The following LIMCH1 variants were observed in gnomAD, a reference collection of about 807,000 sequenced individuals.
LIMCH1 encodes the protein LIM and calponin homology domains-containing protein 1.
Under a neutral mutation model 176.5 loss-of-function variants are expected in LIMCH1, and 113 were observed. The observed-to-expected ratio is 0.64, with a 90% confidence interval of 0.55 to 0.75. The LOEUF (loss-of-function observed/expected upper bound fraction) is 0.75. Ranked by LOEUF, LIMCH1 falls within the 30% of genes least tolerant of loss-of-function variation. The pLI, the probability that LIMCH1 is intolerant of heterozygous loss-of-function variation, is 0.00. For synonymous variants in LIMCH1, 619 were observed against 645.9 expected, an observed-to-expected ratio of 0.96 and a Z score of 0.63; for missense variants, 1,674 against 1,814.9, an observed-to-expected ratio of 0.92 and a Z score of 1.41.
intron 1 of LIMCH1, among the ~76,000 whole-genome samples, chr4:41,375,543 A>AT (rs1017442094): frequency 7.2e-5 from 11 of 152,266 alleles, no homozygotes; most frequent in Admixed American, 5.9e-4. Flanking sequence ...CCAGTATCTG[A>AT]TTTTTTTCCC....
intron 23 of LIMCH1, 34 bp from the exon 24 acceptor site, chr4:41,679,972 C>T: frequency 2.1e-6 from 3 of 1,439,842 alleles, no homozygotes; most frequent in Non-Finnish European, 2.9e-6. Flanking sequence ...ATGCAATGGT[C>T]AGTTGAGAAC....
chr4:41,444,027 A>G (rs2062990206), intron 1 of LIMCH1, among the ~76,000 whole-genome samples: 1 of 152,208 alleles, frequency 6.6e-6, no homozygotes, highest in South Asian at 2.1e-4. Context: ...AATCATGGAC[A>G]GTGCAGATAT....
intron 1 of LIMCH1, among the ~76,000 whole-genome samples, chr4:41,489,928 A>G (rs1218719645): frequency 6.6e-6 from 1 of 152,172 alleles, no homozygotes; most frequent in East Asian, 1.9e-4. Context: ...TGTCATATAT[A>G]TTATATACTG....
intron 1 of LIMCH1, among the ~76,000 whole-genome samples, chr4:41,378,352 C>T (rs972230699): frequency 6.6e-6 from 1 of 152,158 alleles, no homozygotes; most frequent in African/African-American, 2.4e-5. Flanking sequence ...AGTTATTTGG[C>T]CTCTCTGTGC....
chr4:41,567,703 A>C (rs1300562841), intron 1 of LIMCH1, among the ~76,000 whole-genome samples: 2 of 152,256 alleles, frequency 1.3e-5, no homozygotes, highest in Admixed American at 1.3e-4. Flanking sequence ...GTGCACAGAA[A>C]GGCATGATTA....
intron 2 of LIMCH1, among the ~76,000 whole-genome samples, chr4:41,602,997 C>T (rs750193907): frequency 6.6e-5 from 10 of 152,056 alleles, no homozygotes; most frequent in Non-Finnish European, 1.5e-4. Flanking sequence ...TCTATTTCTT[C>T]AAATTTCAAT....
chr4:41,436,415 G>A (rs1246910692), intron 1 of LIMCH1, among the ~76,000 whole-genome samples: 1 of 152,192 alleles, frequency 6.6e-6, no homozygotes, highest in Non-Finnish European at 1.5e-5. Flanking sequence ...GTCTGCTCAT[G>A]GGTCTGGGGC....
chr4:41,388,635 G>A (rs1162722347), intron 1 of LIMCH1, among the ~76,000 whole-genome samples: 3 of 145,850 alleles, frequency 2.1e-5, no homozygotes, highest in Admixed American at 7.0e-5. Context: ...TGCAGGCTAT[G>A]CATCCATTAA....
At chr4:41,467,536 C>T (rs998697149) in intron 1 of LIMCH1, among the ~76,000 whole-genome samples, 4 of 152,136 alleles carry the variant, frequency 2.6e-5, no homozygotes, top group Admixed American at 1.3e-4. Context: ...CATCAGATCT[C>T]GTGAGACTCA....
At chr4:41,632,356 G>T (rs2093368975) in intron 10 of LIMCH1, among the ~76,000 whole-genome samples, 1 of 152,142 alleles carries the variant, frequency 6.6e-6, no homozygotes, top group Non-Finnish European at 1.5e-5. Flanking sequence ...GGGTTTCTTT[G>T]GTTCCAGACT....
chr4:41,688,213 G>T (rs1190577136), intron 29 of LIMCH1, among the ~76,000 whole-genome samples: 2 of 152,190 alleles, frequency 1.3e-5, no homozygotes, highest in African/African-American at 2.4e-5. Flanking sequence ...ACAACCGCTG[G>T]GCTCCAAAGC....
intron 1 of LIMCH1, among the ~76,000 whole-genome samples, chr4:41,592,799 T>A (rs567615184): frequency 2.6e-5 from 4 of 152,360 alleles, no homozygotes; most frequent in Middle Eastern, 3.4e-3. Context: ...AGGCTGGGAT[T>A]CTAACTAGAA....
intron 2 of LIMCH1, among the ~76,000 whole-genome samples, chr4:41,502,108 T>C (rs1417267751): frequency 6.9e-6 from 1 of 145,424 alleles, no homozygotes; most frequent in Non-Finnish European, 1.5e-5. Flanking sequence ...GTTCCCCCTA[T>C]TGTCCATGTG....
At chr4:41,612,377 T>A (rs1253913863) in intron 4 of LIMCH1, 3 of 574,352 alleles carry the variant, frequency 5.2e-6, no homozygotes, top group Non-Finnish European at 6.1e-6. Context: ...GAGGGGACTT[T>A]CGCGAGCATC....
chr4:41,376,192 T>C (rs2054746277), intron 1 of LIMCH1, among the ~76,000 whole-genome samples: 1 of 152,226 alleles, frequency 6.6e-6, no homozygotes, highest in African/African-American at 2.4e-5. Context: ...ATAGTTTCTA[T>C]ATAGTTTTCT....
rs1052950521 is a variant in LIMCH1, at chr4:41,629,731, C to T, written c.1268C>T (p.Ala423Val). ...GAGAGACTCAAAGTGTCAGAAAAGGCGAGGTGTGTCATGTTTCCCCCCCAG... is the reference window on the plus strand; with the variant it reads ...GAGAGACTCAAAGTGTCAGAAAAGGTGAGGTGTGTCATGTTTCCCCCCCAG... ...TWERLKVSEK[A>V]RDGDVQHICA... Residue 423 changes from alanine (A) to valine (V), a missense_variant, in exon 9 of 32, where the codon GCG becomes GTG. Around this residue, in one of 3 missense-constraint regions of LIMCH1, gnomAD observed 655 missense variants for 692.2 expected, o/e 0.95. Coordinates refer to ENST00000503057, the MANE Select transcript of LIMCH1 (RefSeq NM_001330672.2). 6.8e-5 allele frequency: 104 copies of T among 1,534,326 alleles called. No individual in the cohort carries two copies. The highest frequency in any genetic ancestry group is 1.7e-4 in the Middle Eastern group (1 of 6,004).
intron 3 of LIMCH1, among the ~76,000 whole-genome samples, chr4:41,525,203 T>C (rs1372164193): frequency 6.6e-6 from 1 of 152,158 alleles, no homozygotes; most frequent in Admixed American, 6.5e-5. Context: ...CAAATCTTAG[T>C]TTTGGAAGGA....
intron 7 of LIMCH1, among the ~76,000 whole-genome samples, chr4:41,623,978 A>ATTTTAT (rs1232264869): frequency 1.3e-5 from 2 of 152,168 alleles, no homozygotes; most frequent in Non-Finnish European, 2.9e-5. Flanking sequence ...TTTTTCTTCT[A>ATTTTAT]TTTTATTTTA....
chr4:41,393,042 A>G (rs937187427), intron 1 of LIMCH1, among the ~76,000 whole-genome samples: 2 of 152,208 alleles, frequency 1.3e-5, no homozygotes, highest in African/African-American at 4.8e-5. Context: ...AAAAGAAAAA[A>G]GAAAATGTTA....
Sources: gnomAD v4.1 joint callset for allele counts (sites outside exome capture counted in the v4.1 genomes callset) on GRCh38, gnomAD v4.1.1 for gene constraint, gnomAD v4.1.1 regional missense constraint, MANE v1.5 for transcripts, NCBI Gene and HGNC (gene_info 2026-07-23, HGNC 2026-07-21) for gene names.